Variants in PDE4B observed in about 807,000 individuals in gnomAD.
PDE4B encodes phosphodiesterase 4B.
A neutral mutation model predicts 82.2 loss-of-function variants in PDE4B; 20 were observed. The ratio of observed to expected loss-of-function variants is 0.24; its 90% CI spans 0.17 to 0.35. The LOEUF (loss-of-function observed/expected upper bound fraction) is 0.35, where lower values mean the gene tolerates loss of function less well. PDE4B is among the 10% of genes least tolerant of loss of function. The pLI is 1.00. For missense variants in PDE4B, 655 were observed against 907.2 expected (o/e 0.72, Z 3.57); for synonymous variants, 320 against 318.9 (o/e 1.00, Z -0.04).
chr1:66,072,991 A>T (rs1164811894), intron 3 of PDE4B, among the ~76,000 whole-genome samples: 1 of 149,052 alleles, frequency 6.7e-6, no homozygotes, highest in Non-Finnish European at 1.5e-5. Flanking sequence ...CTTCTCTAAC[A>T]CAAGTTGTAT....
At chr1:65,828,455 A>G (rs1040410554) in intron 1 of PDE4B, among the ~76,000 whole-genome samples, 1 of 152,100 alleles carries the variant, frequency 6.6e-6, no homozygotes, top group African/African-American at 2.4e-5. Flanking sequence ...CATGTTGGCC[A>G]GGCTGGTCTT....
intron 10 of PDE4B, among the ~76,000 whole-genome samples, chr1:66,362,246 G>A (rs1215064820): frequency 6.6e-6 from 1 of 152,194 alleles, no homozygotes; most frequent in African/African-American, 2.4e-5. Flanking sequence ...TGTATGCCAA[G>A]GACCAATGGG....
At chr1:66,106,220 GTTTATATGCTGGATTACA>G (rs2101037160) in intron 3 of PDE4B, among the ~76,000 whole-genome samples, 1 of 152,144 alleles carries the variant, frequency 6.6e-6, no homozygotes, top group Non-Finnish European at 1.5e-5. Flanking sequence ...CTTTGGTTCT[GTTTATATGCTGGATTACA>G]TTTATTGATT....
At position 66,299,049 on chromosome 1, in the gene PDE4B, C is replaced by T. The variant is rs538496892; in HGVS notation, c.634+32962C>T. Among the ~76,000 whole-genome samples, 11 of 152,184 alleles carry T rather than the reference C, an allele frequency of 7.2e-5. No individual in the cohort carries two copies. The East Asian group carries it at 1.9e-3, about 27-fold the overall frequency. On this transcript the variant is annotated intron_variant, in intron 7 of 16. Transcript: ENST00000341517. The stretch of plus-strand genomic sequence containing the variant: ...TCAGAGTAATTAGCATATTCATCAC[C>T]TTAAACATTTATCATTTCTTTGTGT...
intron 3 of PDE4B, among the ~76,000 whole-genome samples, chr1:66,207,016 AG>A (rs1002213517): frequency 4.7e-4 from 72 of 152,280 alleles, no homozygotes; most frequent in African/African-American, 1.7e-3. Context: ...ACTTGGTGAA[AG>A]ATTACCAAAT....
chr1:66,033,271 T>C (rs2100804754), intron 3 of PDE4B, among the ~76,000 whole-genome samples: 1 of 152,234 alleles, frequency 6.6e-6, no homozygotes, highest in South Asian at 2.1e-4. Context: ...AAGCATCAGG[T>C]GAGAAGTCTG....
chr1:66,055,574 A>C lies in PDE4B; in HGVS notation c.281+136739A>C, dbSNP rs1048746166. On this transcript the variant is annotated intron_variant, in intron 3 of 16. Coordinates refer to ENST00000341517, the MANE Select transcript of PDE4B (RefSeq NM_002600.4). ...AATGGATGACTGTGGTTAGTATTGT[A>C]GGTCAGGAATAAGAAATTATTTTTA... Among the ~76,000 whole-genome samples, 10 of 152,260 alleles carry C rather than the reference A, an allele frequency of 6.6e-5. 2 individuals carry two copies. The South Asian group carries it at 2.1e-3, about 32-fold the overall frequency.
chr1:66,106,286 G>A (rs1645353458), intron 3 of PDE4B, among the ~76,000 whole-genome samples: 3 of 151,026 alleles, frequency 2.0e-5, no homozygotes, highest in Non-Finnish European at 4.5e-5. Context: ...CAGGGATGAA[G>A]CCCACTTGAT....
intron 1 of PDE4B, among the ~76,000 whole-genome samples, chr1:65,902,559 C>A (rs1447983297): frequency 6.6e-6 from 1 of 152,090 alleles, no homozygotes; most frequent in Admixed American, 6.6e-5. Flanking sequence ...ATTGTCACAC[C>A]TTGTAAAGCA....
intron 3 of PDE4B, among the ~76,000 whole-genome samples, chr1:66,087,886 G>T: frequency 9.7e-6 from 1 of 103,128 alleles, no homozygotes; most frequent in African/African-American, 3.7e-5. Context: ...GGGGAGGGGG[G>T]AGGGATAGCA....
intron 3 of PDE4B, among the ~76,000 whole-genome samples, chr1:66,069,631 G>A (rs2100922973): frequency 6.6e-6 from 1 of 152,076 alleles, no homozygotes; most frequent in Non-Finnish European, 1.5e-5. Flanking sequence ...GAAATGAGAT[G>A]GCCGTATTCC....
chr1:66,197,281 C>A (rs1300524612), intron 3 of PDE4B, among the ~76,000 whole-genome samples: 1 of 152,068 alleles, frequency 6.6e-6, no homozygotes, highest in African/African-American at 2.4e-5. Context: ...TTTTTCTCCA[C>A]GTTTTCTGCA....
chr1:66,260,759 C>T (rs775696884), intron 6 of PDE4B, among the ~76,000 whole-genome samples: 10 of 152,146 alleles, frequency 6.6e-5, no homozygotes, highest in African/African-American at 9.7e-5. Flanking sequence ...CCTTTCCAAA[C>T]CCTTGAGGGT....
chr1:66,042,655 G>A (rs1423469166), intron 3 of PDE4B: 2 of 151,704 alleles, frequency 1.3e-5, no homozygotes, highest in African/African-American at 4.8e-5. Flanking sequence ...TGTCCTTAAG[G>A]CAGTGTGCTG....
chr1:66,296,851 T>G (rs1340445303), intron 7 of PDE4B, among the ~76,000 whole-genome samples: 1 of 152,216 alleles, frequency 6.6e-6, no homozygotes, highest in Non-Finnish European at 1.5e-5. Flanking sequence ...GCATAATAAT[T>G]CTGTATCCCT....
At chr1:66,126,190 A>G (rs12140107) in intron 3 of PDE4B, among the ~76,000 whole-genome samples, 15,070 of 152,292 alleles carry the variant, frequency 0.099, 978 homozygotes, top group Non-Finnish European at 0.13. Flanking sequence ...TTAGTCACTA[A>G]GGGACAATAA....
intron 3 of PDE4B, among the ~76,000 whole-genome samples, chr1:66,107,342 A>C (rs887002421): frequency 2.0e-5 from 3 of 151,948 alleles, no homozygotes; most frequent in African/African-American, 4.8e-5. Context: ...CATTATTTTC[A>C]GTGCACACCT....
chr1:66,272,849 C>T (rs1655607608), intron 7 of PDE4B, among the ~76,000 whole-genome samples: 5 of 124,694 alleles, frequency 4.0e-5, no homozygotes, highest in South Asian at 2.6e-4. Context: ...AGTGCAATGG[C>T]GCACAATCTT....
At chr1:65,916,869 A>G (rs1220115501) in intron 2 of PDE4B, among the ~76,000 whole-genome samples, 1 of 152,186 alleles carries the variant, frequency 6.6e-6, no homozygotes. Context: ...GAATGTTTCA[A>G]ACTCTGGAAA....
Sources: allele counts gnomAD v4.1 joint callset (sites outside exome capture counted in the v4.1 genomes callset), GRCh38; gene constraint gnomAD v4.1.1; transcripts MANE v1.5; gene names NCBI Gene and HGNC (gene_info 2026-07-23, HGNC 2026-07-21).